DLC1: variants seen among roughly 807,000 people sequenced by gnomAD.
DLC1 encodes rho GTPase-activating protein 7.
A neutral mutation model predicts 140.3 loss-of-function variants in DLC1; 54 were observed. The ratio of observed to expected loss-of-function variants is 0.38; its 90% CI spans 0.31 to 0.48. The LOEUF (loss-of-function observed/expected upper bound fraction) is 0.48. Among genes scored for constraint, DLC1 ranks in the 20% least tolerant of loss-of-function variants. DLC1 has a pLI of 0.96. For missense variants in DLC1, 2,536 were observed against 1,907.0 expected (o/e 1.33, Z -6.14); for synonymous variants, 986 against 728.1 (o/e 1.35, Z -5.70).
intron 1 of DLC1, among the ~76,000 whole-genome samples, chr8:13,578,009 T>TA (rs78733121): frequency 0.032 from 4,672 of 144,216 alleles, 253 homozygotes; most frequent in African/African-American, 0.11. Context: ...TCTATAGAAA[T>TA]AAAAAAAAAA....
At chr8:13,498,328 C>G (rs1801610543) in intron 2 of DLC1, among the ~76,000 whole-genome samples, 1 of 152,180 alleles carries the variant, frequency 6.6e-6, no homozygotes, top group Non-Finnish European at 1.5e-5. Flanking sequence ...TCAGGTAGCA[C>G]CATCTTAGCC....
intron 5 of DLC1, among the ~76,000 whole-genome samples, chr8:13,178,796 A>C (rs1235203107): frequency 6.6e-6 from 1 of 152,276 alleles, no homozygotes; most frequent in East Asian, 1.9e-4. Flanking sequence ...AAACACCAAG[A>C]GTTGGATGTG....
chr8:13,135,086 G>A (rs747118953), intron 5 of DLC1, among the ~76,000 whole-genome samples: 5 of 152,212 alleles, frequency 3.3e-5, no homozygotes, highest in Non-Finnish European at 5.9e-5. Flanking sequence ...AGAGCCCACC[G>A]TCACCAGCAA....
Position 13,099,455 on chromosome 8 carries a change from G to T in DLC1, c.2882C>A (p.Pro961His), listed in dbSNP as rs1372016357. ...HLDVDNDRTT[P>H]SDLDSTGNSL... ...GTTGCCTGTGCTGTCCAGGTCGCTGGGTGTGGTTCGGTCGTTGTCCACATC... is the reference window on the plus strand; with the variant it reads ...GTTGCCTGTGCTGTCCAGGTCGCTGTGTGTGGTTCGGTCGTTGTCCACATC... Residue 961 changes from proline to histidine, a missense_variant, in exon 9 of 18, where the codon CCC (proline) becomes CAC (histidine). Coordinates refer to ENST00000276297, the MANE Select transcript of DLC1 (RefSeq NM_182643.3). 6.2e-7 allele frequency: 1 copy of T among 1,613,938 alleles called. No homozygotes were observed. Among genetic ancestry groups the T allele is most frequent in the Admixed American group, 1.7e-5 (1 of 59,990 alleles).
intron 5 of DLC1, among the ~76,000 whole-genome samples, chr8:13,182,914 T>C (rs1296412915): frequency 2.0e-5 from 3 of 152,212 alleles, no homozygotes; most frequent in African/African-American, 7.2e-5. Flanking sequence ...TTGGGCAGTA[T>C]GGCCATTTTC....
upstream of DLC1, chr8:13,514,873 C>T (rs547217698): frequency 2.6e-6 from 1 of 381,704 alleles, no homozygotes; most frequent in African/African-American, 2.1e-5. Flanking sequence ...AAAGGGGCCT[C>T]CACAACCAGG....
At chr8:13,148,212 T>C (rs906004615) in intron 5 of DLC1, among the ~76,000 whole-genome samples, 18 of 152,118 alleles carry the variant, frequency 1.2e-4, no homozygotes, top group African/African-American at 4.1e-4. Flanking sequence ...GGGTTTGTTG[T>C]ACAGATTATT....
chr8:13,477,230 C>T (rs1191883041), intron 2 of DLC1, among the ~76,000 whole-genome samples: 1 of 152,126 alleles, frequency 6.6e-6, no homozygotes, highest in Non-Finnish European at 1.5e-5. Context: ...ATACTAATCC[C>T]CATTCATTTT....
intron 1 of DLC1, chr8:13,566,894 C>T (rs1003306976): frequency 2.8e-6 from 4 of 1,403,842 alleles, no homozygotes; most frequent in African/African-American, 2.9e-5. Context: ...GAGCTGATGG[C>T]ATTGAGATCC....
At chr8:13,417,453 T>C (rs1563329809) in intron 2 of DLC1, among the ~76,000 whole-genome samples, 1 of 150,258 alleles carries the variant, frequency 6.7e-6, no homozygotes, top group Non-Finnish European at 1.5e-5. Flanking sequence ...AGTGAGAATA[T>C]GTGGTGTTTG....
intron 1 of DLC1, among the ~76,000 whole-genome samples, chr8:13,569,351 A>G (rs1435670686): frequency 1.7e-5 from 1 of 59,932 alleles, no homozygotes; most frequent in Non-Finnish European, 3.2e-5. Context: ...TCATTTATGT[A>G]TAAAGATACT....
chr8:13,292,177 G>A (rs1586081023), intron 5 of DLC1, among the ~76,000 whole-genome samples: 2 of 152,220 alleles, frequency 1.3e-5, no homozygotes, highest in East Asian at 3.9e-4. Flanking sequence ...GCCTGAAGGA[G>A]TTTGTATGAG....
At chr8:13,299,407 C>A (rs1230260408) in intron 5 of DLC1, among the ~76,000 whole-genome samples, 1 of 147,770 alleles carries the variant, frequency 6.8e-6, no homozygotes, top group Non-Finnish European at 1.5e-5. Flanking sequence ...GAGACCGTGT[C>A]ATTGCACTCC....
At chr8:13,088,248 T>C (rs1817731484) in intron 16 of DLC1, among the ~76,000 whole-genome samples, 2 of 152,250 alleles carry the variant, frequency 1.3e-5, no homozygotes, top group South Asian at 4.2e-4. Flanking sequence ...TCTAGCTGAT[T>C]TTTAAAATTT....
chr8:13,545,231 C>G (rs1391593964), intron 1 of DLC1, among the ~76,000 whole-genome samples: 14 of 151,532 alleles, frequency 9.2e-5, no homozygotes, highest in Admixed American at 9.2e-4. Flanking sequence ...CATGGATATC[C>G]TGCTCAAATT....
At chr8:13,163,417 T>C (rs1451525320) in intron 5 of DLC1, among the ~76,000 whole-genome samples, 1 of 152,122 alleles carries the variant, frequency 6.6e-6, no homozygotes, top group Non-Finnish European at 1.5e-5. Context: ...GTTGGGAGGC[T>C]CCTGTTCTAG....
chr8:13,186,546 C>T (rs550409841), intron 5 of DLC1, among the ~76,000 whole-genome samples: 2 of 152,204 alleles, frequency 1.3e-5, no homozygotes, highest in East Asian at 1.9e-4. Flanking sequence ...GGTAGCCATT[C>T]GTCTAATCTT....
chr8:13,404,987 A>G (rs1448002072), intron 2 of DLC1, among the ~76,000 whole-genome samples: 7 of 152,056 alleles, frequency 4.6e-5, no homozygotes, highest in Admixed American at 6.5e-5. Context: ...AGCATGGGCA[A>G]TGAGAGTGAA....
chr8:13,109,612 C>T (rs557793091), intron 7 of DLC1, among the ~76,000 whole-genome samples: 38 of 148,656 alleles, frequency 2.6e-4, no homozygotes, highest in African/African-American at 6.6e-4. Flanking sequence ...AGGCTGGGTG[C>T]GGTGGCTCAC....
Sources: allele counts gnomAD v4.1 joint callset (sites outside exome capture counted in the v4.1 genomes callset), GRCh38; gene constraint gnomAD v4.1.1; transcripts MANE v1.5; gene names NCBI Gene and HGNC (gene_info 2026-07-23, HGNC 2026-07-21).